CHTF8: variants seen among roughly 807,000 people sequenced by gnomAD.
CHTF8 encodes the protein chromosome transmission fidelity protein 8 homolog.
CHTF8 carries 6 observed loss-of-function variants against 11.0 expected under a neutral mutation model. That is an observed-to-expected ratio of 0.55 (90% CI 0.30 to 1.08). CHTF8 has a LOEUF of 1.08. CHTF8 is among the 50% of genes least tolerant of loss of function. CHTF8 has a pLI of 0.07. For synonymous variants in CHTF8, 53 were observed against 60.5 expected (o/e 0.88, Z 0.57); for missense variants, 140 against 153.1 (o/e 0.91, Z 0.45).
Position 69,120,753 on chromosome 16 carries a change from C to A in CHTF8, c.142-104G>T. 3.0e-6 allele frequency: 3 copies of A among 997,966 alleles called. No individual in the cohort carries two copies. The highest frequency in any genetic ancestry group is 1.5e-5 in the South Asian group (1 of 66,034). 61.8% of individuals were successfully genotyped at this position (997,966 alleles called of 1,614,324 possible). A position where few individuals can be genotyped will look rare whatever the true frequency, so the allele number is the denominator to read the frequency against. ...GGCAGGCTATGCTGGCACCTCCAAT[C>A]CCTGGTCTGGCTCTGCCATTGTTGA... On this transcript the variant is annotated intron_variant, in intron 3 of 3. Coordinates refer to ENST00000448552, the MANE Select transcript of CHTF8 (RefSeq NM_001039690.5). This position sits in a 1 kb window ranked among gnomAD's most constrained non-coding sequence, Gnocchi z 4.0.
Position 69,125,210 on chromosome 16 carries a change from C to T in CHTF8, c.-35-3717G>A, listed in dbSNP as rs543986814. ...TGAGTCATTGCGCCCGGCCAACTCA[C>T]TAGACTTTTTAAATTCAAATATAAG... On this transcript the variant is annotated intron_variant, in intron 1 of 3. Coordinates refer to ENST00000448552, the MANE Select transcript of CHTF8 (RefSeq NM_001039690.5). Among the ~76,000 whole-genome samples the T allele has an allele frequency of 3.9e-5, 6 of 152,294 alleles. No individual in the cohort carries two copies. The South Asian group carries it at 1.2e-3, about 32-fold the overall frequency.
intron 1 of CHTF8, chr16:69,132,008 G>C (rs1422327465): frequency 6.5e-6 from 1 of 152,774 alleles, no homozygotes; most frequent in South Asian, 2.1e-4. Flanking sequence ...TACTTCCTAG[G>C]TTCCAGTTCT....
chr16:69,124,447 G>C (rs1447494205), intron 1 of CHTF8, among the ~76,000 whole-genome samples: 1 of 151,728 alleles, frequency 6.6e-6, no homozygotes, highest in East Asian at 1.9e-4. Context: ...TTTTTGAGAT[G>C]GACTCTCACT....
At chr16:69,123,386 G>A (rs867245427) in intron 1 of CHTF8, among the ~76,000 whole-genome samples, 15 of 152,266 alleles carry the variant, frequency 9.9e-5, no homozygotes, top group South Asian at 4.2e-4. Context: ...GGCCAGGCGC[G>A]GTGTCTCAGG....
chr16:69,132,007 G>C (rs1380486691), intron 1 of CHTF8: 1 of 152,652 alleles, frequency 6.6e-6, no homozygotes, highest in Admixed American at 6.6e-5. Context: ...CTACTTCCTA[G>C]GTTCCAGTTC....
intron 1 of CHTF8, among the ~76,000 whole-genome samples, chr16:69,124,995 C>A (rs562468102): frequency 9.9e-5 from 15 of 151,894 alleles, no homozygotes; most frequent in Non-Finnish European, 1.6e-4. Context: ...ACCTCCACCT[C>A]CCGAATTCAA....
At position 69,128,213 on chromosome 16, in the gene CHTF8, A is replaced by G. The variant is rs537308004; in HGVS notation, c.-36+4271T>C. Among the ~76,000 whole-genome samples, 3 of 152,208 alleles carry G rather than the reference A, an allele frequency of 2.0e-5. No individual in the cohort carries two copies. The East Asian group carries it at 5.8e-4, about 29-fold the overall frequency. The stretch of plus-strand genomic sequence containing the variant: ...CAGGCGTGAACCACAGCGCCCGGCT[A>G]ACTATCTCTTAAGAGCAGAGTTCAA... On this transcript the variant is annotated intron_variant, in intron 1 of 3. Coordinates refer to ENST00000448552, the MANE Select transcript of CHTF8 (RefSeq NM_001039690.5).
chr16:69,121,621 G>GTGCATGT lies in CHTF8; in HGVS notation c.-35-129_-35-128insACATGCA. 7 of 569,860 alleles carry GTGCATGT rather than the reference G, an allele frequency of 1.2e-5. No individual in the cohort carries two copies. The Admixed American group carries it at 2.1e-4, about 17-fold the overall frequency. 35.3% of individuals were successfully genotyped at this position (569,860 alleles called of 1,614,324 possible). On this transcript the variant is annotated intron_variant, in intron 1 of 3. Coordinates refer to ENST00000448552, the MANE Select transcript of CHTF8 (RefSeq NM_001039690.5). ...GCCTCCCGAGTAGCTGGGAATACAG[G>GTGCATGT]CACCCACCACTATGGCCAGCTAACT... is the stretch of plus-strand genomic sequence containing the variant.
rs745593358 is a variant in CHTF8 at position 69,118,305 on chromosome 16, G to A, written c.*2120C>T. 6 of 1,162,764 alleles carry A rather than the reference G, an allele frequency of 5.2e-6. No individual in the cohort carries two copies. The highest frequency in any genetic ancestry group is 2.4e-5 in the South Asian group (2 of 81,752). The allele number at this position is 1,162,764 out of a possible 1,614,324, so 72.0% of individuals were successfully genotyped here. A position where few individuals can be genotyped will look rare whatever the true frequency, so the allele number is the denominator to read the frequency against. ...AGTCAGTCAAGCAGAAACTGCATTC[G>A]GTGGGTCTTTCTTTGAAGTGGTTGT... On this transcript the variant is annotated 3_prime_UTR_variant, in exon 4 of 4. Coordinates refer to ENST00000448552, the MANE Select transcript of CHTF8 (RefSeq NM_001039690.5).
rs1422410312 is a variant in CHTF8, at chr16:69,119,148, G to A, written c.*1277C>T. On this transcript the variant is annotated 3_prime_UTR_variant, in exon 4 of 4. Transcript: ENST00000448552. The stretch of plus-strand genomic sequence containing the variant: ...GGCCTAATGGGCCAGTAGACCTTGG[G>A]AAGGTAGTTGGACTTGGACCCTGCA... The A allele has an allele frequency of 7.1e-6, 5 of 703,072 alleles. No homozygotes were observed. The highest frequency in any genetic ancestry group is 2.0e-5 in the Admixed American group (1 of 50,028). 43.6% of individuals were successfully genotyped at this position (703,072 alleles called of 1,614,324 possible).
chr16:69,126,699 C>T (rs778001072), intron 1 of CHTF8, among the ~76,000 whole-genome samples: 1 of 152,180 alleles, frequency 6.6e-6, no homozygotes, highest in Non-Finnish European at 1.5e-5. Flanking sequence ...GTAATTTATA[C>T]GCACGTGGGT....
chr16:69,131,283 AG>A (rs1962490485), intron 1 of CHTF8: 1 of 152,136 alleles, frequency 6.6e-6, no homozygotes, highest in Non-Finnish European at 1.5e-5. Flanking sequence ...CCCACGTTGG[AG>A]GGAATCAATT....
At position 69,120,825 on chromosome 16, in the gene CHTF8, C is replaced by A; in HGVS notation, c.142-176G>T. ...CCCATGTGCCCTTTTTACTTTCTAG[C>A]CCCACATAGGAGAATTTCCACTTTC... On this transcript the variant is annotated intron_variant, in intron 3 of 3. Coordinates refer to ENST00000448552, the MANE Select transcript of CHTF8 (RefSeq NM_001039690.5). This position sits in a 1 kb window ranked among gnomAD's most constrained non-coding sequence, Gnocchi z 4.0. 2 of 730,106 alleles carry A rather than the reference C, an allele frequency of 2.7e-6. No individual in the cohort carries two copies. The highest frequency in any genetic ancestry group is 1.6e-5 in the South Asian group (1 of 63,734). 45.2% of individuals were successfully genotyped at this position (730,106 alleles called of 1,614,324 possible). A position where few individuals can be genotyped will look rare whatever the true frequency, so the allele number is the denominator to read the frequency against.
At chr16:69,123,276 TTAAGA>T (rs1961815533) in intron 1 of CHTF8, among the ~76,000 whole-genome samples, 1 of 152,196 alleles carries the variant, frequency 6.6e-6, no homozygotes, top group Non-Finnish European at 1.5e-5. Flanking sequence ...ATGGAGTTTC[TTAAGA>T]TTTTACTTTT....
rs778570505 is a variant in CHTF8 at position 69,120,950 on chromosome 16, G to T, written c.141+103C>A. On this transcript the variant is annotated intron_variant, in intron 3 of 3. Coordinates refer to ENST00000448552, the MANE Select transcript of CHTF8 (RefSeq NM_001039690.5). This position sits in a 1 kb window ranked among gnomAD's most constrained non-coding sequence, Gnocchi z 4.0. Reference sequence around the variant, plus strand: ...GAGCATCGCAGATTAGCTAGGCCTTGAATAACAAACCTGAGGCAGTCCTCA... The same window carrying T: ...GAGCATCGCAGATTAGCTAGGCCTTTAATAACAAACCTGAGGCAGTCCTCA... The T allele has an allele frequency of 1.0e-6, 1 of 986,982 alleles. No homozygotes were observed. Among genetic ancestry groups the T allele is most frequent in the Non-Finnish European group, 1.6e-6 (1 of 607,206 alleles). 61.1% of individuals were successfully genotyped at this position (986,982 alleles called of 1,614,324 possible). A position where few individuals can be genotyped will look rare whatever the true frequency, so the allele number is the denominator to read the frequency against.
Position 69,120,125 on chromosome 16 carries a change from T to C in CHTF8, c.*300A>G, listed in dbSNP as rs868349644. Reference sequence around the variant, plus strand: ...ACTGCACCTGTGCCAGTGGGATTCATCCCTCTTGGAAAAGAAGCCATACTT... The same window carrying C: ...ACTGCACCTGTGCCAGTGGGATTCACCCCTCTTGGAAAAGAAGCCATACTT... On this transcript the variant is annotated 3_prime_UTR_variant, in exon 4 of 4. Transcript: ENST00000448552. This position sits in a 1 kb window ranked among gnomAD's most constrained non-coding sequence, Gnocchi z 4.0. 1.4e-6 allele frequency: 1 copy of C among 701,210 alleles called. No homozygotes were observed. Among genetic ancestry groups the C allele is most frequent in the Non-Finnish European group, 2.6e-6 (1 of 384,824 alleles). The allele number at this position is 701,210 out of a possible 1,614,324, so 43.4% of individuals were successfully genotyped here. A position where few individuals can be genotyped will look rare whatever the true frequency, so the allele number is the denominator to read the frequency against.
intron 1 of CHTF8, among the ~76,000 whole-genome samples, chr16:69,123,925 T>TAAAAAAAAAA (rs757493986): frequency 1.3e-5 from 1 of 76,962 alleles, no homozygotes; most frequent in African/African-American, 4.9e-5. Flanking sequence ...CCATCTCTAC[T>TAAAAAAAAAA]AAAAAAAAAA....
rs1961424810 is a variant in CHTF8 at position 69,119,259 on chromosome 16, G to A, written c.*1166C>T. 1 of 702,946 alleles carries A rather than the reference G, an allele frequency of 1.4e-6. No individual in the cohort carries two copies. Among genetic ancestry groups the A allele is most frequent in the Non-Finnish European group, 2.6e-6 (1 of 385,008 alleles). The allele number at this position is 702,946 out of a possible 1,614,324, so 43.5% of individuals were successfully genotyped here. On this transcript the variant is annotated 3_prime_UTR_variant, in exon 4 of 4. Coordinates refer to ENST00000448552, the MANE Select transcript of CHTF8 (RefSeq NM_001039690.5). Reference sequence around the variant, plus strand: ...AAATGGTTGGATTTGAGCCCTGGAGGCCAGCGGACCTTTGGAAGGTAGCTG... The same window carrying A: ...AAATGGTTGGATTTGAGCCCTGGAGACCAGCGGACCTTTGGAAGGTAGCTG...
At chr16:69,122,507 G>C (rs1351348023) in intron 1 of CHTF8, among the ~76,000 whole-genome samples, 8 of 151,622 alleles carry the variant, frequency 5.3e-5, no homozygotes. Flanking sequence ...TGAGTAGCTG[G>C]GATTACAGGT....
Sources: gnomAD v4.1 joint callset for allele counts (sites outside exome capture counted in the v4.1 genomes callset) on GRCh38, gnomAD v4.1.1 for gene constraint, Gnocchi (gnomAD v3.1) non-coding constraint, MANE v1.5 for transcripts, NCBI Gene and HGNC (gene_info 2026-07-23, HGNC 2026-07-21) for gene names.